Variants in ZNF23 observed in about 807,000 individuals in gnomAD.
The protein encoded by ZNF23 is zinc finger protein 23.
ZNF23 carries 48 observed loss-of-function variants against 56.2 expected under a neutral mutation model. The observed-to-expected ratio is 0.85, with a 90% confidence interval of 0.68 to 1.09. The LOEUF is 1.09. ZNF23 is among the 50% of genes least tolerant of loss of function. The pLI, the probability that ZNF23 is intolerant of heterozygous loss-of-function variation, is 0.00. For missense variants in ZNF23, 805 were observed against 811.4 expected (o/e 0.99, Z 0.10); for synonymous variants, 266 against 283.3 (o/e 0.94, Z 0.61).
intron 1 of ZNF23, among the ~76,000 whole-genome samples, chr16:71,457,456 G>A (rs1349377263): frequency 6.6e-6 from 1 of 152,148 alleles, no homozygotes; most frequent in African/African-American, 2.4e-5. Flanking sequence ...CCAGCTACTC[G>A]GGTGGCAGAG....
At chr16:71,454,017 G>C (rs745527265) in intron 3 of ZNF23, 25 bp downstream of exon 3, 4 of 1,614,032 alleles carry the variant, frequency 2.5e-6, no homozygotes, top group Admixed American at 1.7e-5. Context: ...GCAGATTCCA[G>C]GTTCCCAGGG....
rs1282789568 is a variant in ZNF23 at position 71,454,184 on chromosome 16, C to T, written c.34-16G>A. The T allele has an allele frequency of 1.9e-6, 3 of 1,609,344 alleles. No individual in the cohort carries two copies. Among genetic ancestry groups the T allele is most frequent in the Non-Finnish European group, 2.5e-6 (3 of 1,178,320 alleles). On this transcript the variant is annotated splice_polypyrimidine_tract_variant and intron_variant, in intron 2 of 4. Coordinates refer to ENST00000647773, the MANE Select transcript of ZNF23 (RefSeq NM_001381984.1). ...TCACCGACTTCTGAAACAATAGGTTCCTGCTGCCCTAGGGCCAATTCCATA... is the reference window on the plus strand; with the variant it reads ...TCACCGACTTCTGAAACAATAGGTTTCTGCTGCCCTAGGGCCAATTCCATA...
chr16:71,460,601 C>T (rs2043408778), intron 1 of ZNF23, among the ~76,000 whole-genome samples: 1 of 152,178 alleles, frequency 6.6e-6, no homozygotes, highest in Admixed American at 6.5e-5. Flanking sequence ...AGACCAGTCT[C>T]ATTTATGAAT....
In ZNF23 at chr16:71,449,415, C is replaced by G. The variant is rs552696050; in HGVS notation, c.739G>C (p.Ala247Pro). 1.2e-6 allele frequency: 2 copies of G among 1,614,250 alleles called. No homozygotes were observed. Among genetic ancestry groups the G allele is most frequent in the East Asian group, 4.5e-5 (2 of 44,888 alleles). Residue 247 changes from alanine (A) to proline (P), a missense_variant, in exon 5 of 5, where the codon GCT becomes CCT. Ala to Pro is a conservative substitution (Grantham distance 27). Coordinates refer to ENST00000647773, the MANE Select transcript of ZNF23 (RefSeq NM_001381984.1). ...KPYQCSECGK[A>P]FSINEKLIWH... ...ATTAATTTCTCATTAATGCTGAAAG[C>G]TTTGCCACACTCCGAACACTGATAA...
chr16:71,458,541 G>A (rs1691955040), intron 1 of ZNF23, among the ~76,000 whole-genome samples: 1 of 152,198 alleles, frequency 6.6e-6, no homozygotes. Context: ...CCTCCAATGT[G>A]ACTGTATATG....
intron 1 of ZNF23, among the ~76,000 whole-genome samples, chr16:71,457,034 A>G (rs940288019): frequency 6.6e-6 from 1 of 152,202 alleles, no homozygotes; most frequent in Non-Finnish European, 1.5e-5. Context: ...CAGGAACCCT[A>G]GGACTTTACA....
In ZNF23 at chr16:71,448,957, G is replaced by A. The variant is rs1350159297; in HGVS notation, c.1197C>T (p.Ser399=). 2.5e-6 allele frequency: 4 copies of A among 1,613,156 alleles called. No homozygotes were observed. Among genetic ancestry groups the A allele is most frequent in the Non-Finnish European group, 3.4e-6 (4 of 1,179,756 alleles). The part of the protein sequence containing the change: ...RCSSQLRQHQ[S]IHTGEKPYQC... ...GATAGGGCTTTTCTCCTGTGTGGAT[G>A]CTCTGATGCTGCCTAAGCTGGGAGC... The change falls in exon 5 of 5, where the codon AGC becomes AGT. Residue 399 remains serine (S), a synonymous_variant. Coordinates refer to ENST00000647773, the MANE Select transcript of ZNF23 (RefSeq NM_001381984.1).
intron 1 of ZNF23, among the ~76,000 whole-genome samples, chr16:71,460,542 T>C (rs1163526621): frequency 6.6e-6 from 1 of 152,132 alleles, no homozygotes; most frequent in Non-Finnish European, 1.5e-5. Flanking sequence ...GCAAAGTAAG[T>C]TTCCCAATTC....
chr16:71,456,075 T>C, intron 2 of ZNF23: 1 of 456,162 alleles, frequency 2.2e-6, no homozygotes, highest in Non-Finnish European at 4.4e-6. Flanking sequence ...TCCCAACCTG[T>C]AGTCCATGGA....
chr16:71,448,097 G>C lies in ZNF23; in HGVS notation c.2057C>G (p.Ser686Cys). ...QHQSVHSEGK[S>C] ...TTTTCTATATCTTTCTCATTATTAG[G>C]ATTTTCCTTCACTATGGACACTCTG... Residue 686 changes from serine to cysteine, a missense_variant, in exon 5 of 5, where the codon TCC becomes TGC. Transcript: ENST00000647773. 1 of 1,580,512 alleles carries C rather than the reference G, an allele frequency of 6.3e-7. No homozygotes were observed. Among genetic ancestry groups the C allele is most frequent in the East Asian group, 2.2e-5 (1 of 44,540 alleles).
Position 71,453,232 on chromosome 16 carries a change from A to G in ZNF23, c.268+11T>C, listed in dbSNP as rs887986670. On this transcript the variant is annotated intron_variant, in intron 4 of 4. Coordinates refer to ENST00000647773, the MANE Select transcript of ZNF23 (RefSeq NM_001381984.1). Reference sequence around the variant, plus strand: ...AATTCCAACAGAGTGGGAAATATGTACCTCCCTTACCAGTCTGGAGGCCCT... The same window carrying G: ...AATTCCAACAGAGTGGGAAATATGTGCCTCCCTTACCAGTCTGGAGGCCCT... 49 of 1,591,792 alleles carry G rather than the reference A, an allele frequency of 3.1e-5. No homozygotes were observed. Among genetic ancestry groups the G allele is most frequent in the Non-Finnish European group, 4.2e-5 (49 of 1,165,990 alleles).
At position 71,456,783 on chromosome 16, in the gene ZNF23, T is replaced by A. The variant is rs1042642196; in HGVS notation, c.14A>T (p.His5Leu). The A allele has an allele frequency of 2.0e-6, 2 of 985,824 alleles. No homozygotes were observed. The highest frequency in any genetic ancestry group is 3.5e-5 in the African/African-American group (2 of 57,194). The allele number at this position is 985,824 out of a possible 1,614,324, so 61.1% of individuals were successfully genotyped here. A position where few individuals can be genotyped will look rare whatever the true frequency, so the allele number is the denominator to read the frequency against. The change falls in exon 2 of 5, where the codon CAC (histidine) becomes CTC (leucine). Residue 5 changes from histidine to leucine, a missense_variant. By Grantham distance (99) the His-to-Leu change is moderately conservative. Coordinates refer to ENST00000647773, the MANE Select transcript of ZNF23 (RefSeq NM_001381984.1). MAAM[H>L]LTAWPQKSVT... is the part of the protein sequence containing the mutation. The stretch of plus-strand genomic sequence containing the variant: ...GCTCACCTGGGGCCAGGCTGTCAGG[T>A]GCATGGCTGCCATCCCCTGGTCCCC...
chr16:71,448,684 G>A lies in ZNF23; in HGVS notation c.1470C>T (p.Pro490=), dbSNP rs2042937177. Reference sequence around the variant, plus strand: ...CCTTTCCACACTCATTACACTCATAGGGCTTCTCCCCAGTGTGAATTCTCA... The same window carrying A: ...CCTTTCCACACTCATTACACTCATAAGGCTTCTCCCCAGTGTGAATTCTCA... ...QHLRIHTGEK[P]YECNECGKAF... Residue 490 remains proline, a synonymous_variant, in exon 5 of 5, where the codon CCC becomes CCT. Coordinates refer to ENST00000647773, the MANE Select transcript of ZNF23 (RefSeq NM_001381984.1). 1.2e-6 allele frequency: 2 copies of A among 1,614,144 alleles called. No individual in the cohort carries two copies. Among genetic ancestry groups the A allele is most frequent in the South Asian group, 1.1e-5 (1 of 91,082 alleles).
At chr16:71,449,922 A>G in intron 4 of ZNF23, 37 bp from the exon 5 acceptor site, 1 of 1,500,814 alleles carries the variant, frequency 6.7e-7, no homozygotes, top group South Asian at 1.3e-5. Context: ...TCATGTAAGA[A>G]CCATGTTAGG....
chr16:71,450,637 C>T (rs1316817918), intron 4 of ZNF23: 1 of 425,286 alleles, frequency 2.4e-6, no homozygotes, highest in South Asian at 1.6e-5. Context: ...GAGAATTGCT[C>T]GAACCCGGGA....
In ZNF23 at chr16:71,449,186, T is replaced by C. The variant is rs147030345; in HGVS notation, c.968A>G (p.Tyr323Cys). 160 of 1,614,176 alleles carry C rather than the reference T, an allele frequency of 9.9e-5. No homozygotes were observed. The African/African-American group carries it at 1.3e-3, about 13-fold the overall frequency. Reference protein sequence around the residue: ...HQRIHTGEKPYQCKECGNGFS... With the variant: ...HQRIHTGEKPCQCKECGNGFS... ...GCCATTTCCACATTCCTTGCACTGA[T>C]AGGGCTTCTCTCCCGTATGGATTCT... Residue 323 changes from tyrosine (Y) to cysteine (C), a missense_variant, in exon 5 of 5, where the codon TAT becomes TGT. By Grantham distance (194) the Tyr-to-Cys change is radical. Coordinates refer to ENST00000647773, the MANE Select transcript of ZNF23 (RefSeq NM_001381984.1).
chr16:71,448,586 TCATTA>T lies in ZNF23; in HGVS notation c.1563_1567del (p.Cys521Ter). 6.2e-7 allele frequency: 1 copy of T among 1,614,080 alleles called. No homozygotes were observed. Among genetic ancestry groups the T allele is most frequent in the Non-Finnish European group, 8.5e-7 (1 of 1,180,014 alleles). Reference sequence around the variant, plus strand: ...TTTAGAAGTAAAGCATCTCCCACACTCATTACATTCAAAAGGTTTCTCCCCAGTGT... The same window carrying T: ...TTTAGAAGTAAAGCATCTCCCACACTCATTCAAAAGGTTTCTCCCCAGTGT... On this transcript the variant is annotated stop_gained and frameshift_variant, in exon 5 of 5. Coordinates refer to ENST00000647773, the MANE Select transcript of ZNF23 (RefSeq NM_001381984.1). LOFTEE classifies it high-confidence loss of function.
chr16:71,460,559 T>C (rs2043406937), intron 1 of ZNF23, among the ~76,000 whole-genome samples: 2 of 152,230 alleles, frequency 1.3e-5, no homozygotes, highest in Admixed American at 6.5e-5. Flanking sequence ...ATTCTTTTTA[T>C]GGTGCCAGCA....
Position 71,448,141 on chromosome 16 carries a change from G to T in ZNF23, c.2013C>A (p.Ser671Arg). ...CSVCGKAFRF[S>R]FQLSQHQSVH... is the part of the protein sequence containing the mutation. ...CACTCTGATGCTGACTGAGCTGGAA[G>T]CTAAACCTGAATGCTTTCCCACACA... Residue 671 changes from serine to arginine, a missense_variant, in exon 5 of 5, where the codon AGC becomes AGA. Transcript: ENST00000647773. 6.2e-7 allele frequency: 1 copy of T among 1,613,580 alleles called. No individual in the cohort carries two copies. Among genetic ancestry groups the T allele is most frequent in the Admixed American group, 1.7e-5 (1 of 59,950 alleles).
Sources: gnomAD v4.1 joint callset for allele counts (sites outside exome capture counted in the v4.1 genomes callset) on GRCh38, gnomAD v4.1.1 for gene constraint, MANE v1.5 for transcripts, NCBI Gene and HGNC (gene_info 2026-07-23, HGNC 2026-07-21) for gene names.